Variants in ALG5 observed in about 807,000 individuals in gnomAD.
ALG5 encodes the protein ALG5 dolichyl-phosphate beta-glucosyltransferase.
A neutral mutation model predicts 51.8 loss-of-function variants in ALG5; 26 were observed. The observed-to-expected ratio is 0.50, with a 90% confidence interval of 0.37 to 0.70. ALG5 has a LOEUF of 0.70. ALG5 is among the 30% of genes least tolerant of loss of function. The pLI, the probability that ALG5 is intolerant of heterozygous loss-of-function variation, is 0.00. For missense variants in ALG5, 311 were observed against 399.3 expected (o/e 0.78, Z 1.88); for synonymous variants, 141 against 136.1 (o/e 1.04, Z -0.25).
chr13:36,952,047 A>G (rs771685606), intron 9 of ALG5, among the ~76,000 whole-genome samples: 4 of 152,188 alleles, frequency 2.6e-5, no homozygotes, highest in Admixed American at 1.3e-4. Context: ...CGGTCTCCGA[A>G]AGTGCTGGGA....
At chr13:36,956,366 T>C (rs2058839710) in intron 8 of ALG5, among the ~76,000 whole-genome samples, 1 of 152,246 alleles carries the variant, frequency 6.6e-6, no homozygotes, top group Non-Finnish European at 1.5e-5. Context: ...GGAAACCTTG[T>C]ACACTGTTGG....
chr13:36,996,291 C>T (rs535142005), intron 1 of ALG5, among the ~76,000 whole-genome samples: 2 of 152,266 alleles, frequency 1.3e-5, no homozygotes, highest in African/African-American at 4.8e-5. Context: ...ACACTTTCTG[C>T]TTTCAAAACA....
At chr13:36,992,975 C>T (rs986469283) in intron 4 of ALG5, among the ~76,000 whole-genome samples, 1 of 152,110 alleles carries the variant, frequency 6.6e-6, no homozygotes, top group Non-Finnish European at 1.5e-5. Context: ...GCTGGCCACT[C>T]ACAGGTCAAG....
intron 1 of ALG5, among the ~76,000 whole-genome samples, chr13:36,996,118 A>G (rs1321029733): frequency 6.6e-6 from 1 of 152,220 alleles, no homozygotes; most frequent in Non-Finnish European, 1.5e-5. Context: ...CAGACTACCA[A>G]GTAGGGACCA....
intron 8 of ALG5, among the ~76,000 whole-genome samples, chr13:36,957,404 A>G (rs2058844925): frequency 6.6e-6 from 1 of 152,104 alleles, no homozygotes; most frequent in Non-Finnish European, 1.5e-5. Context: ...GCACTAATTC[A>G]TGAAATAATT....
Position 36,949,915 on chromosome 13 carries a change from A to G in ALG5, c.*27T>C, listed in dbSNP as rs200601599. 33 of 1,444,562 alleles carry G rather than the reference A, an allele frequency of 2.3e-5. No individual in the cohort carries two copies. The East Asian group carries it at 4.9e-4, about 21-fold the overall frequency. The allele number at this position is 1,444,562 out of a possible 1,614,324, so 89.5% of individuals were successfully genotyped here. A position where few individuals can be genotyped will look rare whatever the true frequency, so the allele number is the denominator to read the frequency against. On this transcript the variant is annotated 3_prime_UTR_variant, in exon 10 of 10. Coordinates refer to ENST00000239891, the MANE Select transcript of ALG5 (RefSeq NM_013338.5). Reference sequence around the variant, plus strand: ...AAATGAAATGTGACACTGAAGCATAAGAACACAACTGAAGACTGCAAACAA... The same window carrying G: ...AAATGAAATGTGACACTGAAGCATAGGAACACAACTGAAGACTGCAAACAA...
At chr13:36,998,247 G>GA (rs1249854535) in intron 1 of ALG5, among the ~76,000 whole-genome samples, 1 of 151,930 alleles carries the variant, frequency 6.6e-6, no homozygotes, top group African/African-American at 2.4e-5. Context: ...TCAAAAACTT[G>GA]AAAAAACAAA....
chr13:36,992,945 C>G (rs1427166940), intron 4 of ALG5, among the ~76,000 whole-genome samples: 1 of 152,150 alleles, frequency 6.6e-6, no homozygotes, highest in Admixed American at 6.5e-5. Flanking sequence ...GAGGGCATCC[C>G]TGATCCTTCC....
chr13:36,973,589 G>A (rs1442585693), intron 6 of ALG5, among the ~76,000 whole-genome samples: 1 of 152,094 alleles, frequency 6.6e-6, no homozygotes, highest in African/African-American at 2.4e-5. Context: ...CCATTTGTTA[G>A]TAACATTTTA....
At chr13:36,960,763 C>A (rs2058862696) in intron 8 of ALG5, among the ~76,000 whole-genome samples, 1 of 151,694 alleles carries the variant, frequency 6.6e-6, no homozygotes, top group Non-Finnish European at 1.5e-5. Flanking sequence ...TGCCTCAGTG[C>A]CCTGAGTAGC....
intron 8 of ALG5, among the ~76,000 whole-genome samples, chr13:36,953,806 C>T (rs1029586269): frequency 4.6e-5 from 7 of 152,046 alleles, no homozygotes; most frequent in South Asian, 2.1e-4. Context: ...TTAAAACTTT[C>T]GTCCCCTAGA....
chr13:36,976,726 C>A (rs1326871946), intron 6 of ALG5, among the ~76,000 whole-genome samples: 1 of 146,420 alleles, frequency 6.8e-6, no homozygotes, highest in African/African-American at 2.6e-5. Flanking sequence ...CCAGCCTGGG[C>A]AACAGACCGA....
chr13:36,967,599 T>C (rs2058900863), intron 7 of ALG5: 1 of 287,980 alleles, frequency 3.5e-6, no homozygotes, highest in Non-Finnish European at 6.9e-6. Flanking sequence ...AAAACAAACT[T>C]TTAAAAATGA....
intron 1 of ALG5, 130 bp from the exon 2 acceptor site, chr13:36,995,726 C>T: frequency 2.3e-6 from 2 of 886,482 alleles, no homozygotes; most frequent in South Asian, 1.7e-5. Context: ...AGTTCATTAA[C>T]AATGGTCTAG....
intron 9 of ALG5, among the ~76,000 whole-genome samples, chr13:36,950,750 A>G (rs1301120175): frequency 6.6e-6 from 1 of 151,946 alleles, no homozygotes; most frequent in Non-Finnish European, 1.5e-5. Context: ...ACACCTGCCT[A>G]ATTTTACAAT....
chr13:36,977,380 G>C (rs936187257), intron 6 of ALG5, among the ~76,000 whole-genome samples: 9 of 152,108 alleles, frequency 5.9e-5, no homozygotes, highest in Non-Finnish European at 1.3e-4. Flanking sequence ...AGGCAGGTGT[G>C]GTGGCATGTG....
At chr13:36,975,561 T>C (rs1174547205) in intron 6 of ALG5, among the ~76,000 whole-genome samples, 1 of 152,224 alleles carries the variant, frequency 6.6e-6, no homozygotes, top group African/African-American at 2.4e-5. Context: ...AGATTTACCA[T>C]TACTTTGACT....
chr13:36,971,206 A>G (rs1172064293), intron 7 of ALG5, among the ~76,000 whole-genome samples: 3 of 152,194 alleles, frequency 2.0e-5, no homozygotes, highest in Non-Finnish European at 4.4e-5. Flanking sequence ...GGGCAGTTGC[A>G]AACTTGTGAA....
chr13:36,995,089 G>T, intron 2 of ALG5, 54 bp from the exon 3 acceptor site: 2 of 1,480,848 alleles, frequency 1.4e-6, no homozygotes, highest in South Asian at 2.3e-5. Context: ...TTCCAAGCCC[G>T]GCACATTCAG....
Sources: gnomAD v4.1 joint callset for allele counts (sites outside exome capture counted in the v4.1 genomes callset) on GRCh38, gnomAD v4.1.1 for gene constraint, MANE v1.5 for transcripts, NCBI Gene and HGNC (gene_info 2026-07-23, HGNC 2026-07-21) for gene names.